Variants in TMEM168 observed in about 807,000 individuals in gnomAD.
The protein encoded by TMEM168 is transmembrane protein 168.
In TMEM168, 40 loss-of-function variants were observed where a neutral mutation model predicts 53.2. That is an observed-to-expected ratio of 0.75 (90% CI 0.58 to 0.98). TMEM168 has a LOEUF of 0.98. Among genes scored for constraint, TMEM168 ranks in the 50% least tolerant of loss-of-function variants. TMEM168 has a pLI of 0.00. For synonymous variants in TMEM168, 282 were observed against 293.0 expected (o/e 0.96, Z 0.38); for missense variants, 771 against 828.8 (o/e 0.93, Z 0.86).
chr7:112,779,599 A>C (rs1793176781), intron 2 of TMEM168, among the ~76,000 whole-genome samples: 1 of 152,204 alleles, frequency 6.6e-6, no homozygotes, highest in African/African-American at 2.4e-5. Context: ...GCTCATTATC[A>C]AATTTTAAGA....
chr7:112,789,467 T>C (rs1793483307), intron 1 of TMEM168, among the ~76,000 whole-genome samples: 1 of 152,234 alleles, frequency 6.6e-6, no homozygotes, highest in South Asian at 2.1e-4. Flanking sequence ...GGACACTTAC[T>C]AATGCCTAAA....
In TMEM168 at chr7:112,767,578, C is replaced by A; in HGVS notation, c.1713G>T (p.Leu571Phe). ...DQYIAVQGAELIKTVDIEEAD... is the reference protein window; with the variant it reads ...DQYIAVQGAEFIKTVDIEEAD... ...CTTCTTCAATATCTACTGTTTTTAT[C>A]AACTCTGCTCCTTGCACTGCAATAT... is the stretch of plus-strand genomic sequence containing the variant. The change falls in exon 5 of 5, where the codon TTG becomes TTT. Residue 571 changes from leucine (L) to phenylalanine (F), a missense_variant. Transcript: ENST00000312814. The A allele has an allele frequency of 1.2e-6, 2 of 1,614,098 alleles. No homozygotes were observed. Among genetic ancestry groups the A allele is most frequent in the Non-Finnish European group, 1.7e-6 (2 of 1,179,996 alleles).
At chr7:112,769,339 T>C (rs898540371) in intron 4 of TMEM168, among the ~76,000 whole-genome samples, 1 of 152,200 alleles carries the variant, frequency 6.6e-6, no homozygotes, top group Non-Finnish European at 1.5e-5. Context: ...CTCCAAAAGA[T>C]ACTTTTTCAA....
intron 2 of TMEM168, among the ~76,000 whole-genome samples, chr7:112,779,148 C>T (rs1796514): frequency 0.018 from 2,666 of 152,236 alleles, 69 homozygotes; most frequent in African/African-American, 0.061. Context: ...GCCTTGGCCT[C>T]CCAAACTGCT....
At chr7:112,773,680 C>A (rs1458067035) in intron 3 of TMEM168, among the ~76,000 whole-genome samples, 5 of 151,906 alleles carry the variant, frequency 3.3e-5, no homozygotes, top group Non-Finnish European at 7.4e-5. Flanking sequence ...TACTCTAGTA[C>A]AAAGATGATA....
At position 112,782,980 on chromosome 7, in the gene TMEM168, G is replaced by A. The variant is rs553631959; in HGVS notation, c.1128+718C>T. On this transcript the variant is annotated intron_variant, in intron 2 of 4. Transcript: ENST00000312814. ...TTTGACAGACATCCTGAGATCTTCC[G>A]CACCCACTATAGTGCCTGGCATATA... Among the ~76,000 whole-genome samples the A allele has an allele frequency of 4.9e-4, 74 of 152,222 alleles. 1 individual carries two copies. The highest frequency in any genetic ancestry group is 1.3e-3 in the African/African-American group (54 of 41,530).
At position 112,784,955 on chromosome 7, in the gene TMEM168, T is replaced by A; in HGVS notation, c.-128-2A>T. 1.4e-6 allele frequency: 1 copy of A among 693,916 alleles called. No individual in the cohort carries two copies. Among genetic ancestry groups the A allele is most frequent in the Non-Finnish European group, 2.1e-6 (1 of 473,426 alleles). The allele number at this position is 693,916 out of a possible 1,614,324, so 43.0% of individuals were successfully genotyped here. A position where few individuals can be genotyped will look rare whatever the true frequency, so the allele number is the denominator to read the frequency against. On this transcript the variant is annotated splice_acceptor_variant, in intron 1 of 4. Transcript: ENST00000312814. LOFTEE classifies it low-confidence loss of function (5UTR_SPLICE). ...TGTGGAAATTTTGTTTATAGTGATCTAAAAAGAAGAAAACAATATTTCAGA... is the reference window on the plus strand; with the variant it reads ...TGTGGAAATTTTGTTTATAGTGATCAAAAAAGAAGAAAACAATATTTCAGA...
At chr7:112,787,292 A>G (rs760402794) in intron 1 of TMEM168, among the ~76,000 whole-genome samples, 7 of 152,080 alleles carry the variant, frequency 4.6e-5, no homozygotes, top group Non-Finnish European at 8.8e-5. Flanking sequence ...GTTTCCCACC[A>G]CACAACTGCT....
chr7:112,787,017 T>C (rs1266136531), intron 1 of TMEM168, among the ~76,000 whole-genome samples: 1 of 152,188 alleles, frequency 6.6e-6, no homozygotes, highest in African/African-American at 2.4e-5. Flanking sequence ...CTTTCAGCCA[T>C]ATTGTGCATC....
intron 3 of TMEM168, 113 bp downstream of exon 3, chr7:112,775,063 C>A (rs1793039098): frequency 1.1e-6 from 1 of 880,942 alleles, no homozygotes; most frequent in African/African-American, 1.7e-5. Context: ...GGAAGAAATG[C>A]ACAAGTTATA....
In TMEM168 at chr7:112,767,664, C is replaced by T. The variant is rs528908479; in HGVS notation, c.1627G>A (p.Val543Ile). The change falls in exon 5 of 5, where the codon GTA (valine) becomes ATA (isoleucine). Residue 543 changes from valine (V) to isoleucine (I), a missense_variant. Physicochemically the swap from Val to Ile is conservative, Grantham distance 29. Transcript: ENST00000312814. ...NGSFCSRLII[V>I]LDSENSTPWV... ...GGGGTTGAATTTTCGCTGTCTAATA[C>T]GATAATAAGCCGGGAACAAAAGGAA... The T allele has an allele frequency of 2.7e-5, 43 of 1,613,934 alleles. No homozygotes were observed. Among genetic ancestry groups the T allele is most frequent in the Non-Finnish European group, 3.5e-5 (41 of 1,179,978 alleles).
intron 1 of TMEM168, among the ~76,000 whole-genome samples, chr7:112,787,500 T>C (rs1793415960): frequency 6.6e-6 from 1 of 152,052 alleles, no homozygotes; most frequent in Non-Finnish European, 1.5e-5. Context: ...CTGCAACCTC[T>C]GACTATCGGG....
chr7:112,779,911 C>A (rs1490441387), intron 2 of TMEM168, among the ~76,000 whole-genome samples: 1 of 152,082 alleles, frequency 6.6e-6, no homozygotes, highest in Non-Finnish European at 1.5e-5. Context: ...GGAAAACATA[C>A]ATAGAAGTCT....
Position 112,784,442 on chromosome 7 carries a change from T to TA in TMEM168, c.383dup (p.Thr129AsnfsTer30), listed in dbSNP as rs766404613. On this transcript the variant is annotated frameshift_variant, in exon 2 of 5. Transcript: ENST00000312814. LOFTEE classifies it high-confidence loss of function. The stretch of plus-strand genomic sequence containing the variant: ...ACAATATCCTTAACACTATGGATGT[T>TA]AGAAGCAAATATTTGGTTGATTCTT... The TA allele has an allele frequency of 3.1e-6, 5 of 1,613,934 alleles. No homozygotes were observed. In the East Asian group the frequency reaches 1.1e-4, roughly 36 times the overall value.
At chr7:112,768,621 T>G (rs1792850029) in intron 4 of TMEM168, among the ~76,000 whole-genome samples, 1 of 152,214 alleles carries the variant, frequency 6.6e-6, no homozygotes, top group African/African-American at 2.4e-5. Context: ...TGCATTAATT[T>G]TGATTTTTAA....
At chr7:112,790,118 G>A (rs986000473) in intron 1 of TMEM168, 42 bp downstream of exon 1, 1 of 152,508 alleles carries the variant, frequency 6.6e-6, no homozygotes, top group Non-Finnish European at 1.5e-5. Flanking sequence ...CAGTGTCTAT[G>A]CCTAGATCTC....
chr7:112,784,170 G>T lies in TMEM168; in HGVS notation c.656C>A (p.Thr219Asn). Residue 219 changes from threonine (T) to asparagine (N), a missense_variant, in exon 2 of 5, where the codon ACT becomes AAT. Physicochemically the swap from Thr to Asn is moderately conservative, Grantham distance 65. Coordinates refer to ENST00000312814, the MANE Select transcript of TMEM168 (RefSeq NM_022484.6). ...AVLLFFSSLE[T>N]PKNPIAFACF... ...CGCAAAAGCAATCGGATTTTTGGGA[G>T]TTTCCAATGAGGAAAAAAATAACAA... 2 of 1,613,964 alleles carry T rather than the reference G, an allele frequency of 1.2e-6. No homozygotes were observed. The highest frequency in any genetic ancestry group is 1.7e-6 in the Non-Finnish European group (2 of 1,179,976).
At chr7:112,775,854 A>G (rs1793068238) in intron 2 of TMEM168, among the ~76,000 whole-genome samples, 2 of 152,164 alleles carry the variant, frequency 1.3e-5, no homozygotes, top group Non-Finnish European at 2.9e-5. Context: ...TTTACCTTAT[A>G]AAGCACTGAA....
intron 3 of TMEM168, among the ~76,000 whole-genome samples, chr7:112,773,547 A>G (rs1792988921): frequency 6.6e-6 from 1 of 151,676 alleles, no homozygotes; most frequent in Admixed American, 6.6e-5. Flanking sequence ...AAGGTACATA[A>G]ATAATAGAAG....
Sources: gnomAD v4.1 joint callset for allele counts (sites outside exome capture counted in the v4.1 genomes callset) on GRCh38, gnomAD v4.1.1 for gene constraint, MANE v1.5 for transcripts, NCBI Gene and HGNC (gene_info 2026-07-23, HGNC 2026-07-21) for gene names.